MINK1: variants seen among roughly 807,000 people sequenced by gnomAD.
MINK1 encodes the protein misshapen like kinase 1, also known as misshapen-like kinase 1.
A neutral mutation model predicts 178.4 loss-of-function variants in MINK1; 46 were observed. That is an observed-to-expected ratio of 0.26 (90% confidence interval 0.20 to 0.33). The LOEUF is 0.33. Ranked by LOEUF, MINK1 falls within the 10% of genes least tolerant of loss-of-function variation. The probability of loss-of-function intolerance (pLI) is 1.00; values close to 1 mark genes in which losing one functional copy is unlikely to be tolerated. For missense variants in MINK1, 1,366 were observed against 1,814.9 expected (o/e 0.75, Z 4.49); for synonymous variants, 797 against 709.7 (o/e 1.12, Z -1.96).
intron 15 of MINK1, 45 bp from the exon 16 acceptor site, chr17:4,891,411 G>T: frequency 1.3e-6 from 2 of 1,514,988 alleles, no homozygotes; most frequent in Non-Finnish European, 1.8e-6. Context: ...AGGTGGGGAT[G>T]TGCCATGGAG....
chr17:4,843,066 G>C (rs1038359904), intron 1 of MINK1, among the ~76,000 whole-genome samples: 33 of 152,134 alleles, frequency 2.2e-4, no homozygotes, highest in African/African-American at 7.0e-4. Flanking sequence ...GGGTAGCTAA[G>C]GTTTGGAGGA....
chr17:4,889,186 G>A (rs1182773333), intron 12 of MINK1, among the ~76,000 whole-genome samples: 1 of 152,198 alleles, frequency 6.6e-6, no homozygotes, highest in Non-Finnish European at 1.5e-5. Flanking sequence ...CCTGGGCACT[G>A]GTGCTTGTCA....
chr17:4,871,100 A>G (rs189612131), intron 1 of MINK1: 21 of 357,082 alleles, frequency 5.9e-5, no homozygotes, highest in African/African-American at 4.5e-4. Context: ...AGCTTCTTTC[A>G]TAAGCATAAT....
chr17:4,846,695 G>A (rs551116802), intron 1 of MINK1, among the ~76,000 whole-genome samples: 1 of 152,286 alleles, frequency 6.6e-6, no homozygotes, highest in Admixed American at 6.5e-5. Context: ...TTTTGAGACA[G>A]GGTCGTGCTC....
rs1231395065 is a variant in MINK1 at position 4,836,156 on chromosome 17, G to A, written c.57+2516G>A. 6.6e-6 allele frequency among the ~76,000 whole-genome samples: 1 copy of A among 152,166 alleles called. No homozygotes were observed. The highest frequency in any genetic ancestry group is 1.9e-4 in the East Asian group (1 of 5,196). On this transcript the variant is annotated intron_variant, in intron 1 of 31. Transcript: ENST00000355280. This position sits in a 1 kb window ranked among gnomAD's most constrained non-coding sequence, Gnocchi z 4.3. ...TGTCTGTTTTCCAGTGAGAAATGGTGTCTCCCTTTACTACACCATCTTGTG... is the reference window on the plus strand; with the variant it reads ...TGTCTGTTTTCCAGTGAGAAATGGTATCTCCCTTTACTACACCATCTTGTG...
At chr17:4,835,348 G>T (rs1909151361) in intron 1 of MINK1, among the ~76,000 whole-genome samples, 1 of 152,162 alleles carries the variant, frequency 6.6e-6, no homozygotes, top group Non-Finnish European at 1.5e-5. Flanking sequence ...GGTGGGTCAG[G>T]CCGGGCGAGG....
chr17:4,897,519 G>T lies in MINK1; in HGVS notation c.*232G>T. 1.9e-6 allele frequency: 1 copy of T among 519,432 alleles called. No homozygotes were observed. The allele number at this position is 519,432 out of a possible 1,614,324, so 32.2% of individuals were successfully genotyped here. A position where few individuals can be genotyped will look rare whatever the true frequency, so the allele number is the denominator to read the frequency against. Reference sequence around the variant, plus strand: ...TGTGCCTGTCCCCAGCTTCTGGGGAGGGACACAGCTTCCCCTTCCCAGGAA... The same window carrying T: ...TGTGCCTGTCCCCAGCTTCTGGGGATGGACACAGCTTCCCCTTCCCAGGAA... On this transcript the variant is annotated 3_prime_UTR_variant, in exon 32 of 32. Coordinates refer to ENST00000355280, the MANE Select transcript of MINK1 (RefSeq NM_153827.5).
rs998005749 is a variant in MINK1 at position 4,890,543 on chromosome 17, G to A, written c.1374G>A (p.Glu458=). Residue 458 remains glutamate (E), a synonymous_variant, in exon 14 of 32, where the codon GAG becomes GAA. Transcript: ENST00000355280. ...AATACAAGCGGAAGCAGCTGGAGGA[G>A]CAGCGGCAGTCAGAACGTCTCCAGA... ...EQEYKRKQLE[E]QRQSERLQRQ... is the part of the protein sequence containing the mutation. 2.5e-6 allele frequency: 4 copies of A among 1,590,022 alleles called. No individual in the cohort carries two copies. In the African/African-American group the frequency reaches 5.4e-5, roughly 21 times the overall value.
At position 4,896,433 on chromosome 17, in the gene MINK1, A is replaced by G. The variant is rs1243346406; in HGVS notation, c.3620A>G (p.Gln1207Arg). ...SYDIYIPVHI[Q>R]SQITPHAIIF... is the part of the protein sequence containing the mutation. ...AGTCCCCCTCCTTCTCCCCAGATCC[A>G]GAGCCAGATCACGCCCCATGCCATC... The change falls in exon 30 of 32, where the codon CAG (glutamine) becomes CGG (arginine). Residue 1207 changes from glutamine (Q) to arginine (R), a missense_variant. Physicochemically the swap from Gln to Arg is conservative, Grantham distance 43. This residue lies in a region of MINK1 where 201 missense variants were observed against 240.7 expected (regional missense o/e 0.84). Transcript: ENST00000355280. The surrounding 1 kb of genome is among the most constrained non-coding windows in gnomAD (Gnocchi z 4.6). The G allele has an allele frequency of 6.8e-6, 11 of 1,613,696 alleles. No individual in the cohort carries two copies. The highest frequency in any genetic ancestry group is 9.3e-6 in the Non-Finnish European group (11 of 1,179,802).
Position 4,878,309 on chromosome 17 carries a change from G to T in MINK1, c.58-8G>T. On this transcript the variant is annotated splice_polypyrimidine_tract_variant and splice_region_variant and intron_variant, in intron 1 of 31. Transcript: ENST00000355280. ...TTGACACAGTATTCTTCTGTCTCCT[G>T]CCCCTAGGACCCTGCTGGGATCTTT... The T allele has an allele frequency of 6.5e-7, 1 of 1,536,716 alleles. No homozygotes were observed. The highest frequency in any genetic ancestry group is 8.7e-7 in the Non-Finnish European group (1 of 1,146,434).
intron 15 of MINK1, 36 bp downstream of exon 15, chr17:4,891,160 C>T (rs1050636689): frequency 6.1e-6 from 9 of 1,464,696 alleles, no homozygotes; most frequent in Non-Finnish European, 8.2e-6. Context: ...AATGAAGACA[C>T]AGGGAGCTTT....
rs758335279 is a variant in MINK1 at position 4,885,662 on chromosome 17, A to G, written c.639+49A>G. 3 of 1,610,428 alleles carry G rather than the reference A, an allele frequency of 1.9e-6. No homozygotes were observed. The South Asian group carries it at 3.3e-5, about 18-fold the overall frequency. ...ATGGGGGCTGCCAAGGGCGGGAAGCAATATGGGGACCACGGGGCCTGAGCA... is the reference window on the plus strand; with the variant it reads ...ATGGGGGCTGCCAAGGGCGGGAAGCGATATGGGGACCACGGGGCCTGAGCA... On this transcript the variant is annotated intron_variant, in intron 7 of 31. Transcript: ENST00000355280. This position sits in a 1 kb window ranked among gnomAD's most constrained non-coding sequence, Gnocchi z 5.0.
At chr17:4,852,985 A>G (rs1413485003) in intron 1 of MINK1, among the ~76,000 whole-genome samples, 1 of 2,510 alleles carries the variant, frequency 4.0e-4, no homozygotes, top group South Asian at 0.023. Flanking sequence ...GAGGAGTGTG[A>G]TTGATGGGGG....
rs548848231 is a variant in MINK1, at chr17:4,896,925, C to G, written c.3915+112C>G. Reference sequence around the variant, plus strand: ...GGTGGTGGCTTCCTGAAAGCGGGCCCCTCTGGGAGCTCAGAGGGCAGTCAG... The same window carrying G: ...GGTGGTGGCTTCCTGAAAGCGGGCCGCTCTGGGAGCTCAGAGGGCAGTCAG... On this transcript the variant is annotated intron_variant, in intron 31 of 31. Transcript: ENST00000355280. This position sits in a 1 kb window ranked among gnomAD's most constrained non-coding sequence, Gnocchi z 4.6. 6.0e-4 allele frequency: 842 copies of G among 1,398,234 alleles called. 13 individuals carry two copies. In the South Asian group the frequency reaches 0.012, roughly 20 times the overall value. The allele number at this position is 1,398,234 out of a possible 1,614,324, so 86.6% of individuals were successfully genotyped here. A position where few individuals can be genotyped will look rare whatever the true frequency, so the allele number is the denominator to read the frequency against.
intron 1 of MINK1, among the ~76,000 whole-genome samples, chr17:4,872,669 G>A (rs964474904): frequency 6.6e-6 from 1 of 152,014 alleles, no homozygotes; most frequent in African/African-American, 2.4e-5. Flanking sequence ...CTACTCAGGA[G>A]GCTGAAGCAG....
At chr17:4,864,437 A>G (rs996143210) in intron 1 of MINK1, among the ~76,000 whole-genome samples, 1 of 151,012 alleles carries the variant, frequency 6.6e-6, no homozygotes, top group Non-Finnish European at 1.5e-5. Flanking sequence ...ATAAAGGGCT[A>G]TGGGGGCCGG....
chr17:4,862,016 G>A (rs1429113592), intron 1 of MINK1, among the ~76,000 whole-genome samples: 2 of 152,128 alleles, frequency 1.3e-5, no homozygotes, highest in Non-Finnish European at 2.9e-5. Flanking sequence ...GTGTGAGGCC[G>A]CCTAATTCTC....
chr17:4,881,224 G>C lies in MINK1; in HGVS notation c.273G>C (p.Lys91Asn), dbSNP rs1353082230. 4 of 1,537,226 alleles carry C rather than the reference G, an allele frequency of 2.6e-6. No homozygotes were observed. Among genetic ancestry groups the C allele is most frequent in the East Asian group, 2.4e-5 (1 of 40,902 alleles). ...CCACCTACTACGGAGCCTTCATCAA[G>C]AAGAGCCCCCCGGGAAACGATGACC... is the stretch of plus-strand genomic sequence containing the variant. ...NIATYYGAFI[K>N]KSPPGNDDQL... The change falls in exon 4 of 32, where the codon AAG becomes AAC. Residue 91 changes from lysine to asparagine, a missense_variant. By Grantham distance (94) the Lys-to-Asn change is moderately conservative. Coordinates refer to ENST00000355280, the MANE Select transcript of MINK1 (RefSeq NM_153827.5).
rs1968326459 is a variant in MINK1, at chr17:4,887,500, A to G, written c.1020-80A>G. 18 of 1,313,572 alleles carry G rather than the reference A, an allele frequency of 1.4e-5. No individual in the cohort carries two copies. In the South Asian group the frequency reaches 2.4e-4, roughly 17 times the overall value. 81.4% of individuals were successfully genotyped at this position (1,313,572 alleles called of 1,614,324 possible). On this transcript the variant is annotated intron_variant, in intron 11 of 31. Coordinates refer to ENST00000355280, the MANE Select transcript of MINK1 (RefSeq NM_153827.5). The surrounding 1 kb of genome is among the most constrained non-coding windows in gnomAD (Gnocchi z 7.6). ...AGGCTTTGATCCAGTTAAAGCACCC[A>G]CTCAGGCGGGCCCACGGGGTTGAGA...
Sources: gnomAD v4.1 joint callset for allele counts (sites outside exome capture counted in the v4.1 genomes callset) on GRCh38, gnomAD v4.1.1 for gene constraint, gnomAD v4.1.1 regional missense constraint, Gnocchi (gnomAD v3.1) non-coding constraint, MANE v1.5 for transcripts, NCBI Gene and HGNC (gene_info 2026-07-23, HGNC 2026-07-21) for gene names.